The following ARFIP1 variants were observed in gnomAD, a reference collection of about 807,000 sequenced individuals.
ARFIP1 encodes ARF interacting protein 1, also known as arfaptin-1.
Under a neutral mutation model 42.5 loss-of-function variants are expected in ARFIP1, and 24 were observed. That is an observed-to-expected ratio of 0.57 (90% CI 0.41 to 0.80). ARFIP1 has a LOEUF of 0.80. ARFIP1 is among the 30% of genes least tolerant of loss of function. The pLI is 0.00. For synonymous variants in ARFIP1, 141 were observed against 153.7 expected, an observed-to-expected ratio of 0.92 and a Z score of 0.61; for missense variants, 354 against 434.0, an observed-to-expected ratio of 0.82 and a Z score of 1.64.
chr4:152,866,870 C>T (rs1457186147), intron 3 of ARFIP1, among the ~76,000 whole-genome samples: 1 of 150,718 alleles, frequency 6.6e-6, no homozygotes, highest in Non-Finnish European at 1.5e-5. Context: ...GGCGGCGGGG[C>T]AGAGGCACTC....
intron 1 of ARFIP1, among the ~76,000 whole-genome samples, chr4:152,804,022 ATATAATATAACGTAATATATATAT>A: frequency 7.4e-6 from 1 of 135,530 alleles, no homozygotes; most frequent in Non-Finnish European, 1.5e-5. Flanking sequence ...TATATATTAT[ATATAATATAACGTAATATATATAT>A]TATATATAAT....
chr4:152,829,739 T>G lies in ARFIP1; in HGVS notation c.93+13T>G. The stretch of plus-strand genomic sequence containing the variant: ...TAGCTTTAATAGGGTAAGAACACTT[T>G]TCTTTCTCTTAATGCAAAGAATCAT... On this transcript the variant is annotated intron_variant, in intron 2 of 8. Transcript: ENST00000353617. 2 of 1,559,040 alleles carry G rather than the reference T, an allele frequency of 1.3e-6. No individual in the cohort carries two copies. Among genetic ancestry groups the G allele is most frequent in the Non-Finnish European group, 1.7e-6 (2 of 1,145,484 alleles).
At chr4:152,847,213 A>G (rs1463410301) in intron 2 of ARFIP1, among the ~76,000 whole-genome samples, 3 of 132,386 alleles carry the variant, frequency 2.3e-5, no homozygotes, top group African/African-American at 8.7e-5. Flanking sequence ...GCTCACTGCA[A>G]CCTCCGCCTC....
intron 3 of ARFIP1, among the ~76,000 whole-genome samples, chr4:152,866,450 C>T (rs1734351229): frequency 6.6e-6 from 1 of 151,344 alleles, no homozygotes; most frequent in Non-Finnish European, 1.5e-5. Flanking sequence ...GGCGGCCGGG[C>T]AGAGGCGCCC....
intron 8 of ARFIP1, among the ~76,000 whole-genome samples, chr4:152,903,923 C>T (rs1203266298): frequency 6.6e-6 from 1 of 152,088 alleles, no homozygotes; most frequent in African/African-American, 2.4e-5. Flanking sequence ...CACTTTCTTT[C>T]TGACTCTCTA....
In ARFIP1 at chr4:152,882,743, C is replaced by G; in HGVS notation, c.654C>G (p.Ala218=). The G allele has an allele frequency of 6.2e-7, 1 of 1,613,260 alleles. No individual in the cohort carries two copies. The highest frequency in any genetic ancestry group is 8.5e-7 in the Non-Finnish European group (1 of 1,179,520). Residue 218 remains alanine, a synonymous_variant, in exon 7 of 9, where the codon GCC becomes GCG. Transcript: ENST00000353617. ...LELHEEFGYN[A]DTQKLLAKNG... is the part of the protein sequence containing the mutation. ...TTTAGGAAGAATTTGGCTATAATGC[C>G]GATACCCAGAAACTGCTGGCTAAAA...
chr4:152,887,743 AGTTT>A (rs1471935807), intron 7 of ARFIP1, among the ~76,000 whole-genome samples: 1 of 152,064 alleles, frequency 6.6e-6, no homozygotes, highest in Admixed American at 6.6e-5. Flanking sequence ...CACTTCCGTT[AGTTT>A]TAGTATGCCA....
At chr4:152,844,326 G>A (rs905848781) in intron 2 of ARFIP1, among the ~76,000 whole-genome samples, 2 of 152,126 alleles carry the variant, frequency 1.3e-5, no homozygotes, top group African/African-American at 2.4e-5. Flanking sequence ...GGGTCCTCTC[G>A]GGATTGCTGA....
intron 8 of ARFIP1, among the ~76,000 whole-genome samples, chr4:152,895,007 A>G (rs1257091794): frequency 6.6e-6 from 1 of 152,266 alleles, no homozygotes; most frequent in African/African-American, 2.4e-5. Context: ...GAATGTAACT[A>G]GAGCCAGTTT....
At chr4:152,898,442 A>G (rs996293810) in intron 8 of ARFIP1, among the ~76,000 whole-genome samples, 1 of 151,892 alleles carries the variant, frequency 6.6e-6, no homozygotes, top group Non-Finnish European at 1.5e-5. Flanking sequence ...TAACATCCTG[A>G]TTTTCTATCC....
At chr4:152,849,209 C>T (rs1732792911) in intron 2 of ARFIP1, among the ~76,000 whole-genome samples, 1 of 151,854 alleles carries the variant, frequency 6.6e-6, no homozygotes, top group African/African-American at 2.4e-5. Context: ...AGGTTGAAGG[C>T]TTATCTGTCT....
chr4:152,814,088 C>T (rs950814784), intron 1 of ARFIP1, among the ~76,000 whole-genome samples: 15 of 18,856 alleles, frequency 8.0e-4, no homozygotes, highest in African/African-American at 2.0e-3. Flanking sequence ...TGTCTTCTTT[C>T]TTCTTCTTCT....
At chr4:152,828,840 C>T (rs1008818929) in intron 1 of ARFIP1, among the ~76,000 whole-genome samples, 2 of 152,126 alleles carry the variant, frequency 1.3e-5, no homozygotes, top group African/African-American at 2.4e-5. Context: ...TCTTTATGAG[C>T]TTTATGGTTT....
intron 1 of ARFIP1, among the ~76,000 whole-genome samples, chr4:152,827,764 C>T (rs1730956660): frequency 6.6e-6 from 1 of 152,292 alleles, no homozygotes; most frequent in Middle Eastern, 3.4e-3. Flanking sequence ...CAGCCTCTAC[C>T]TCCTGGGCTC....
At chr4:152,905,536 G>C (rs1459261980) in intron 8 of ARFIP1, among the ~76,000 whole-genome samples, 7 of 61,456 alleles carry the variant, frequency 1.1e-4, no homozygotes, top group African/African-American at 3.6e-4. Context: ...TTACTGAATT[G>C]TAAGAATTGT....
Position 152,888,822 on chromosome 4 carries a change from G to T in ARFIP1, c.966+515G>T, listed in dbSNP as rs116979018. The stretch of plus-strand genomic sequence containing the variant: ...ACACATCTAAGGACTAGAGCAACGA[G>T]GGCTGAACTGGACCAGCTGTAGGTT... On this transcript the variant is annotated intron_variant, in intron 8 of 8. Transcript: ENST00000353617. Among the ~76,000 whole-genome samples, 172 of 152,210 alleles carry T rather than the reference G, an allele frequency of 1.1e-3. 1 individual carries two copies. The highest frequency in any genetic ancestry group is 5.4e-3 in the East Asian group (28 of 5,192).
In ARFIP1 at chr4:152,910,367, C is replaced by A; in HGVS notation, c.*148C>A. 1 of 916,650 alleles carries A rather than the reference C, an allele frequency of 1.1e-6. No homozygotes were observed. The allele number at this position is 916,650 out of a possible 1,614,324, so 56.8% of individuals were successfully genotyped here. The stretch of plus-strand genomic sequence containing the variant: ...AGCTTTAATTTTTCCCTTTTTCATA[C>A]TTTAACAATTGAACTGTTAAGGGTG... On this transcript the variant is annotated 3_prime_UTR_variant, in exon 9 of 9. Transcript: ENST00000353617.
At chr4:152,802,509 T>C (rs776172464) in intron 1 of ARFIP1, among the ~76,000 whole-genome samples, 28 of 152,164 alleles carry the variant, frequency 1.8e-4, no homozygotes, top group Non-Finnish European at 4.1e-4. Context: ...TTATTGCATT[T>C]TCAAATAACT....
chr4:152,805,322 A>G (rs1209614529), intron 1 of ARFIP1, among the ~76,000 whole-genome samples: 1 of 152,236 alleles, frequency 6.6e-6, no homozygotes, highest in Non-Finnish European at 1.5e-5. Flanking sequence ...CCAAGAGGCT[A>G]TGAGGTAGTG....
Sources: allele counts gnomAD v4.1 joint callset (sites outside exome capture counted in the v4.1 genomes callset), GRCh38; gene constraint gnomAD v4.1.1; transcripts MANE v1.5; gene names NCBI Gene and HGNC (gene_info 2026-07-23, HGNC 2026-07-21).